The following SGIP1 variants were observed in gnomAD, a reference collection of about 807,000 sequenced individuals.
SGIP1 encodes SH3-containing GRB2-like protein 3-interacting protein 1.
In SGIP1, 38 loss-of-function variants were observed where a neutral mutation model predicts 107.5. That is an observed-to-expected ratio of 0.35 (90% confidence interval 0.27 to 0.46). SGIP1 has a LOEUF of 0.46. SGIP1 is among the 20% of genes least tolerant of loss of function. The pLI is 1.00. For synonymous variants in SGIP1, 365 were observed against 366.1 expected (o/e 1.00, Z 0.03); for missense variants, 929 against 1,019.5 (o/e 0.91, Z 1.21).
At chr1:66,558,954 G>C (rs2058559907) in intron 1 of SGIP1, among the ~76,000 whole-genome samples, 1 of 152,070 alleles carries the variant, frequency 6.6e-6, no homozygotes, top group Non-Finnish European at 1.5e-5. Context: ...AGGGAACCCA[G>C]AGAAGGGCTA....
At chr1:66,695,762 T>C (rs1161361507) in intron 18 of SGIP1, among the ~76,000 whole-genome samples, 1 of 152,158 alleles carries the variant, frequency 6.6e-6, no homozygotes, top group African/African-American at 2.4e-5. Flanking sequence ...CAATTGAAAA[T>C]AAAACAAAAC....
intron 1 of SGIP1, among the ~76,000 whole-genome samples, chr1:66,559,755 A>T (rs2058669572): frequency 6.6e-6 from 1 of 152,020 alleles, no homozygotes. Context: ...CAGAAGCCCC[A>T]AGCAAACATC....
intron 12 of SGIP1, among the ~76,000 whole-genome samples, chr1:66,675,507 T>G (rs986402512): frequency 2.0e-5 from 3 of 150,962 alleles, no homozygotes; most frequent in Non-Finnish European, 4.4e-5. Flanking sequence ...CTTTCTGTCT[T>G]TCTTTTTCGT....
At chr1:66,563,383 C>G (rs1389595900) in intron 1 of SGIP1, among the ~76,000 whole-genome samples, 1 of 152,044 alleles carries the variant, frequency 6.6e-6, no homozygotes, top group Non-Finnish European at 1.5e-5. Context: ...AGACACAAAT[C>G]TAGTCCAGAG....
intron 15 of SGIP1, among the ~76,000 whole-genome samples, chr1:66,685,533 T>G (rs2088000208): frequency 6.6e-6 from 1 of 152,154 alleles, no homozygotes; most frequent in Non-Finnish European, 1.5e-5. Flanking sequence ...AAGGAGTAAG[T>G]AAAGAAAGAA....
chr1:66,693,283 T>A (rs1184656213), intron 17 of SGIP1, among the ~76,000 whole-genome samples: 3 of 151,084 alleles, frequency 2.0e-5, no homozygotes, highest in Non-Finnish European at 2.9e-5. Flanking sequence ...AATAAATAAA[T>A]AAAAAACAGT....
At chr1:66,610,542 A>G (rs1220947670) in intron 1 of SGIP1, among the ~76,000 whole-genome samples, 1 of 152,140 alleles carries the variant, frequency 6.6e-6, no homozygotes, top group Non-Finnish European at 1.5e-5. Context: ...GTGTCTTATC[A>G]TTGCCCCTTT....
chr1:66,686,618 C>T (rs1306124858), intron 15 of SGIP1, among the ~76,000 whole-genome samples: 3 of 152,112 alleles, frequency 2.0e-5, no homozygotes, highest in African/African-American at 7.2e-5. Context: ...GTGAAATACC[C>T]CTCAGGCCCT....
Position 66,743,194 on chromosome 1 carries a change from G to A in SGIP1, c.*99G>A. On this transcript the variant is annotated 3_prime_UTR_variant, in exon 25 of 25. Transcript: ENST00000371037. ...GTTTGATGAAAACAAACCAATATCT[G>A]CACTTGGGATATATCAGGTGGAAAG... The A allele has an allele frequency of 8.1e-7, 1 of 1,230,032 alleles. No individual in the cohort carries two copies. 76.2% of individuals were successfully genotyped at this position (1,230,032 alleles called of 1,614,324 possible).
intron 1 of SGIP1, among the ~76,000 whole-genome samples, chr1:66,542,717 G>A (rs905056327): frequency 6.6e-6 from 1 of 152,154 alleles, no homozygotes; most frequent in Non-Finnish European, 1.5e-5. Flanking sequence ...TCAGATCACT[G>A]TTGACTGTGG....
intron 1 of SGIP1, among the ~76,000 whole-genome samples, chr1:66,571,885 T>C (rs1463010850): frequency 6.6e-6 from 1 of 152,050 alleles, no homozygotes; most frequent in Admixed American, 6.6e-5. Context: ...TCTTCTCAGG[T>C]GACAAATTTA....
rs536449098 is a variant in SGIP1, at chr1:66,581,184, TG to T, written c.11-44662del. 2.2e-4 allele frequency among the ~76,000 whole-genome samples: 34 copies of T among 152,282 alleles called. No homozygotes were observed. The South Asian group carries it at 6.2e-3, about 28-fold the overall frequency. ...CTGTTTTAGACCAATAAACCCAGTC[TG>T]TTTAAATTGCCAATTGGTTCATTTA... is the stretch of plus-strand genomic sequence containing the variant. On this transcript the variant is annotated intron_variant, in intron 1 of 24. Coordinates refer to ENST00000371037, the MANE Select transcript of SGIP1 (RefSeq NM_032291.4).
chr1:66,618,689 A>G (rs1377550275), intron 1 of SGIP1, among the ~76,000 whole-genome samples: 1 of 152,244 alleles, frequency 6.6e-6, no homozygotes, highest in African/African-American at 2.4e-5. Context: ...GTCTGCATTA[A>G]AGTGCTTGAC....
chr1:66,621,347 T>C (rs147300851), intron 1 of SGIP1, among the ~76,000 whole-genome samples: 35 of 152,326 alleles, frequency 2.3e-4, no homozygotes, highest in African/African-American at 8.4e-4. Flanking sequence ...ATCTGCCTTG[T>C]TTCTTTCCTT....
intron 16 of SGIP1, among the ~76,000 whole-genome samples, 190 bp downstream of exon 16, chr1:66,689,465 G>C (rs1369244873): frequency 6.6e-6 from 1 of 152,158 alleles, no homozygotes; most frequent in African/African-American, 2.4e-5. Context: ...TTCAAGCCAA[G>C]GTCTAAAATG....
chr1:66,676,805 C>A (rs1181643501), intron 12 of SGIP1, among the ~76,000 whole-genome samples, 199 bp from the exon 13 acceptor site: 1 of 152,058 alleles, frequency 6.6e-6, no homozygotes, highest in Non-Finnish European at 1.5e-5. Context: ...ACACTCCTCC[C>A]ACCCACACTC....
intron 19 of SGIP1, among the ~76,000 whole-genome samples, chr1:66,720,798 T>TA (rs1240144461): frequency 1.7e-4 from 26 of 152,312 alleles, no homozygotes; most frequent in Admixed American, 1.3e-4. Context: ...GACTATACTA[T>TA]AAAAATTTTT....
chr1:66,598,831 C>G (rs535933868), intron 1 of SGIP1, among the ~76,000 whole-genome samples: 1 of 152,314 alleles, frequency 6.6e-6, no homozygotes, highest in East Asian at 1.9e-4. Flanking sequence ...CTGGGGATTA[C>G]AACTGAACAT....
chr1:66,627,829 A>G (rs1237350807), intron 2 of SGIP1, among the ~76,000 whole-genome samples: 1 of 152,050 alleles, frequency 6.6e-6, no homozygotes, highest in Non-Finnish European at 1.5e-5. Flanking sequence ...TACATGTGCC[A>G]TGTTGGTGTG....
Sources: allele counts gnomAD v4.1 joint callset (sites outside exome capture counted in the v4.1 genomes callset), GRCh38; gene constraint gnomAD v4.1.1; transcripts MANE v1.5; gene names NCBI Gene and HGNC (gene_info 2026-07-23, HGNC 2026-07-21).